BAG4: variants seen among roughly 807,000 people sequenced by gnomAD.
BAG4 encodes BAG cochaperone 4.
A neutral mutation model predicts 52.1 loss-of-function variants in BAG4; 28 were observed. The ratio of observed to expected loss-of-function variants is 0.54; its 90% CI spans 0.40 to 0.74. BAG4 has a LOEUF of 0.74. Among genes scored for constraint, BAG4 ranks in the 30% least tolerant of loss-of-function variants. BAG4 has a pLI of 0.00. For synonymous variants in BAG4, 208 were observed against 217.0 expected (o/e 0.96, Z 0.37); for missense variants, 525 against 572.0 (o/e 0.92, Z 0.84).
chr8:38,198,562 T>A (rs1053836032), intron 2 of BAG4, among the ~76,000 whole-genome samples: 1 of 149,320 alleles, frequency 6.7e-6, no homozygotes, highest in Non-Finnish European at 1.5e-5. Context: ...GATCTCGGCT[T>A]ACTGCGACCT....
rs182944999 is a variant in BAG4, at chr8:38,209,987, T to G, written c.889-21T>G. On this transcript the variant is annotated intron_variant, in intron 4 of 4. Transcript: ENST00000287322. ...TCCCATTAAAACAGCTCTTTTCCTC[T>G]TTTTGCTCTCCCACTCCAAGGATTC... The G allele has an allele frequency of 2.6e-4, 421 of 1,604,514 alleles. 5 individuals carry two copies. In the Admixed American group the frequency reaches 6.9e-3, roughly 26 times the overall value.
chr8:38,208,896 A>G (rs1585668345), intron 3 of BAG4, 117 bp from the exon 4 acceptor site: 2 of 1,215,348 alleles, frequency 1.6e-6, no homozygotes, highest in Admixed American at 2.8e-5. Flanking sequence ...TTAGTCCGGT[A>G]GCAGCTAATG....
At chr8:38,194,480 G>A (rs1335688820) in intron 2 of BAG4, among the ~76,000 whole-genome samples, 12 of 143,912 alleles carry the variant, frequency 8.3e-5, no homozygotes, top group Admixed American at 2.2e-4. Flanking sequence ...GCAATAGCGC[G>A]ATCTCAGCTC....
At chr8:38,188,812 G>C (rs1803418163) in intron 1 of BAG4, among the ~76,000 whole-genome samples, 1 of 151,832 alleles carries the variant, frequency 6.6e-6, no homozygotes, top group Admixed American at 6.6e-5. Context: ...GTTTATCTTT[G>C]AGATGGAGCC....
At chr8:38,190,610 T>TTG (rs1193013685) in intron 1 of BAG4, among the ~76,000 whole-genome samples, 1 of 151,712 alleles carries the variant, frequency 6.6e-6, no homozygotes, top group Admixed American at 6.6e-5. Flanking sequence ...ATTTTTTTTT[T>TTG]TTTTTTTGGG....
At position 38,177,090 on chromosome 8, in the gene BAG4, C is replaced by G; in HGVS notation, c.221C>G (p.Pro74Arg). The G allele has an allele frequency of 6.2e-7, 1 of 1,612,684 alleles. No individual in the cohort carries two copies. Among genetic ancestry groups the G allele is most frequent in the Non-Finnish European group, 8.5e-7 (1 of 1,179,850 alleles). ...GGCGGAGGAGGCGATGGCTACTATC[C>G]CTCGGGAGGCGCCTGGCCAGAGCCT... ...GEGGGGDGYY[P>R]SGGAWPEPGR... The change falls in exon 1 of 5, where the codon CCC (proline) becomes CGC (arginine). Residue 74 changes from proline to arginine, a missense_variant. Coordinates refer to ENST00000287322, the MANE Select transcript of BAG4 (RefSeq NM_004874.4).
chr8:38,177,116 G>C lies in BAG4; in HGVS notation c.247G>C (p.Gly83Arg), dbSNP rs769547218. ...CTCGGGAGGCGCCTGGCCAGAGCCT[G>C]GTCGAGCCGGAGGAAGCCACCAGGT... ...YPSGGAWPEP[G>R]RAGGSHQEQP... is the part of the protein sequence containing the mutation. The change falls in exon 1 of 5, where the codon GGT becomes CGT. Residue 83 changes from glycine to arginine, a missense_variant. Physicochemically the swap from Gly to Arg is moderately radical, Grantham distance 125 (BLOSUM62 -2). Coordinates refer to ENST00000287322, the MANE Select transcript of BAG4 (RefSeq NM_004874.4). 2.5e-6 allele frequency: 4 copies of C among 1,612,916 alleles called. No homozygotes were observed. Among genetic ancestry groups the C allele is most frequent in the Non-Finnish European group, 3.4e-6 (4 of 1,179,928 alleles).
intron 4 of BAG4, among the ~76,000 whole-genome samples, chr8:38,209,722 G>A (rs1049896331): frequency 2.0e-5 from 3 of 152,154 alleles, no homozygotes; most frequent in African/African-American, 7.2e-5. Context: ...TATTAATTAG[G>A]TCACAGGATG....
intron 2 of BAG4, among the ~76,000 whole-genome samples, chr8:38,194,863 G>GTT (rs1354369989): frequency 2.3e-4 from 12 of 52,244 alleles, no homozygotes; most frequent in Non-Finnish European, 3.9e-4. Flanking sequence ...TTTTTTTTTT[G>GTT]TTTTTTTTTT....
intron 1 of BAG4, among the ~76,000 whole-genome samples, chr8:38,189,949 C>G (rs1803445417): frequency 6.6e-6 from 1 of 152,054 alleles, no homozygotes; most frequent in African/African-American, 2.4e-5. Flanking sequence ...CCACACCTGG[C>G]TAATTTTTTG....
chr8:38,179,672 A>G (rs888165269), intron 1 of BAG4, among the ~76,000 whole-genome samples: 1 of 151,976 alleles, frequency 6.6e-6, no homozygotes, highest in Non-Finnish European at 1.5e-5. Flanking sequence ...AGGCTGAGGC[A>G]GGAGAATCGC....
chr8:38,191,887 T>C (rs1803481288), intron 1 of BAG4, among the ~76,000 whole-genome samples: 1 of 152,218 alleles, frequency 6.6e-6, no homozygotes, highest in Non-Finnish European at 1.5e-5. Flanking sequence ...ATTTAGTCTT[T>C]TATCAAAGTT....
intron 1 of BAG4, among the ~76,000 whole-genome samples, chr8:38,189,754 C>T (rs1485272913): frequency 6.6e-6 from 1 of 152,214 alleles, no homozygotes; most frequent in African/African-American, 2.4e-5. Flanking sequence ...TTTGTGTGGA[C>T]TGGCACACTG....
intron 2 of BAG4, among the ~76,000 whole-genome samples, chr8:38,195,350 C>T (rs1160553543): frequency 6.6e-6 from 1 of 152,008 alleles, no homozygotes; most frequent in Non-Finnish European, 1.5e-5. Context: ...GTTAGGGTTT[C>T]GCCATGTTAC....
intron 2 of BAG4, chr8:38,204,328 T>C (rs1585665425): frequency 6.6e-6 from 1 of 152,458 alleles, no homozygotes; most frequent in East Asian, 1.9e-4. Context: ...GAGATCAGCC[T>C]GGGCAACATG....
At chr8:38,193,767 T>C (rs1585658055) in intron 2 of BAG4, among the ~76,000 whole-genome samples, 1 of 140,120 alleles carries the variant, frequency 7.1e-6, no homozygotes. Flanking sequence ...TGAGATGGAG[T>C]CTTGCTCTGT....
chr8:38,201,099 A>G (rs1403844492), intron 2 of BAG4, among the ~76,000 whole-genome samples: 2 of 152,222 alleles, frequency 1.3e-5, no homozygotes, highest in Non-Finnish European at 2.9e-5. Context: ...AGTATTTATT[A>G]CATTCATATG....
intron 2 of BAG4, among the ~76,000 whole-genome samples, chr8:38,206,447 A>AG (rs1169377005): frequency 1.3e-5 from 2 of 151,948 alleles, no homozygotes; most frequent in Non-Finnish European, 2.9e-5. Context: ...GCAATATATG[A>AG]GGAGTTTGTT....
Position 38,207,633 on chromosome 8 carries a change from C to T in BAG4, c.500C>T (p.Thr167Ile), listed in dbSNP as rs780035464. The change falls in exon 3 of 5, where the codon ACA (threonine) becomes ATA (isoleucine). Residue 167 changes from threonine (T) to isoleucine (I), a missense_variant. Transcript: ENST00000287322. ...APGYTQTSYSTEVPSTYRSSG... is the reference protein window; with the variant it reads ...APGYTQTSYSIEVPSTYRSSG... ...GGTTATACTCAGACCAGTTACTCCACAGAAGTTCCAAGTACTTACCGTTCA... is the reference window on the plus strand; with the variant it reads ...GGTTATACTCAGACCAGTTACTCCATAGAAGTTCCAAGTACTTACCGTTCA... 1.2e-6 allele frequency: 2 copies of T among 1,614,172 alleles called. No homozygotes were observed. Among genetic ancestry groups the T allele is most frequent in the Non-Finnish European group, 1.7e-6 (2 of 1,180,028 alleles).
Sources: allele counts gnomAD v4.1 joint callset (sites outside exome capture counted in the v4.1 genomes callset), GRCh38; gene constraint gnomAD v4.1.1; transcripts MANE v1.5; gene names NCBI Gene and HGNC (gene_info 2026-07-23, HGNC 2026-07-21).